The following EXOC1 variants were observed in gnomAD, a reference collection of about 807,000 sequenced individuals.
EXOC1 encodes exocyst complex component 1, also known as SEC3-like 1.
EXOC1 carries 67 observed loss-of-function variants against 107.7 expected under a neutral mutation model. The ratio of observed to expected loss-of-function variants is 0.62; its 90% CI spans 0.51 to 0.76. The LOEUF (loss-of-function observed/expected upper bound fraction) is 0.76, where lower values mean the gene tolerates loss of function less well. EXOC1 is among the 30% of genes least tolerant of loss of function. The pLI is 0.00. For missense variants in EXOC1, 833 were observed against 1,055.7 expected (o/e 0.79, Z 2.92); for synonymous variants, 348 against 353.5 (o/e 0.98, Z 0.17).
In EXOC1 at chr4:55,893,714, T is replaced by G. The variant is rs144527512; in HGVS notation, c.1887T>G (p.Ala629=). 1.3e-5 allele frequency: 21 copies of G among 1,614,182 alleles called. No individual in the cohort carries two copies. In the African/African-American group the frequency reaches 2.5e-4, roughly 19 times the overall value. The change falls in exon 15 of 19, where the codon GCT becomes GCG. Residue 629 remains alanine, a synonymous_variant. Transcript: ENST00000381295. The part of the protein sequence containing the change: ...HVWTAQNVDP[A]SFLSTTLGNV... ...GGACTGCACAAAATGTGGACCCTGC[T>G]TCTTTCCTAAGTACTACATTGGGAA...
At chr4:55,895,718 G>A (rs911470310) in intron 15 of EXOC1, among the ~76,000 whole-genome samples, 51 of 152,134 alleles carry the variant, frequency 3.4e-4, no homozygotes, top group East Asian at 1.9e-4. Context: ...AATTGAATCC[G>A]TGGATCGTTT....
intron 1 of EXOC1, among the ~76,000 whole-genome samples, chr4:55,854,540 C>G (rs764427772): frequency 7.9e-5 from 12 of 152,290 alleles, no homozygotes; most frequent in Non-Finnish European, 1.6e-4. Context: ...GATGTAAATG[C>G]CATAGAAACA....
intron 8 of EXOC1, chr4:55,875,676 C>A (rs561803557): frequency 2.0e-6 from 2 of 984,926 alleles, no homozygotes; most frequent in Non-Finnish European, 2.4e-6. Flanking sequence ...TTTTGGATAA[C>A]GATACATTGT....
intron 3 of EXOC1, among the ~76,000 whole-genome samples, chr4:55,860,958 CAA>C (rs749255857): frequency 8.4e-4 from 61 of 72,710 alleles, no homozygotes; most frequent in Non-Finnish European, 9.8e-4. Flanking sequence ...GTTTGTGGAT[CAA>C]AAAAAAAAAA....
chr4:55,879,954 A>T (rs1169618944), intron 9 of EXOC1, among the ~76,000 whole-genome samples: 1 of 152,136 alleles, frequency 6.6e-6, no homozygotes, highest in Non-Finnish European at 1.5e-5. Flanking sequence ...GGAAATAATG[A>T]TATGTTTTGT....
Position 55,864,278 on chromosome 4 carries a change from A to G in EXOC1, c.307A>G (p.Ser103Gly). Residue 103 changes from serine (S) to glycine (G), a missense_variant, in exon 4 of 19, where the codon AGC (serine) becomes GGC (glycine). By Grantham distance (56) the Ser-to-Gly change is moderately conservative. Transcript: ENST00000381295. ...TGAAAAAATATATAAATGGGTTGCC[A>G]GCAGCACTGCTGAAAAGAATGCATT... The part of the protein sequence containing the change: ...HFEKIYKWVA[S>G]STAEKNAFIS... 6.2e-7 allele frequency: 1 copy of G among 1,607,210 alleles called. No individual in the cohort carries two copies. The highest frequency in any genetic ancestry group is 8.5e-7 in the Non-Finnish European group (1 of 1,176,494).
intron 11 of EXOC1, among the ~76,000 whole-genome samples, chr4:55,889,148 C>T (rs187548461): frequency 6.6e-6 from 1 of 152,220 alleles, no homozygotes; most frequent in East Asian, 1.9e-4. Flanking sequence ...AACATTGTGT[C>T]AGAAATTTGT....
chr4:55,878,693 C>T (rs984704101), intron 9 of EXOC1, among the ~76,000 whole-genome samples: 6 of 152,006 alleles, frequency 3.9e-5, no homozygotes, highest in Non-Finnish European at 8.8e-5. Flanking sequence ...ATTAAATAAA[C>T]CAGAAATAAG....
chr4:55,883,778 A>T, intron 9 of EXOC1, 45 bp from the exon 10 acceptor site: 1 of 1,219,072 alleles, frequency 8.2e-7, no homozygotes, highest in Non-Finnish European at 1.1e-6. Flanking sequence ...TGAAATTGTT[A>T]TATGTGTTTT....
rs757689826 is a variant in EXOC1 at position 55,904,397 on chromosome 4, G to T, written c.2587G>T (p.Gly863Cys). 1.2e-6 allele frequency: 2 copies of T among 1,612,230 alleles called. No individual in the cohort carries two copies. The highest frequency in any genetic ancestry group is 1.7e-6 in the Non-Finnish European group (2 of 1,179,622). ...TATACGCCAGTATAAGCACTTTGAA[G>T]GTTTGATAGCTCGCTGTTATCCTGG... is the stretch of plus-strand genomic sequence containing the variant. Reference protein sequence around the residue: ...EFIRQYKHFEGLIARCYPGSG... With the variant: ...EFIRQYKHFECLIARCYPGSG... Residue 863 changes from glycine to cysteine, a missense_variant, in exon 19 of 19, where the codon GGT becomes TGT. Coordinates refer to ENST00000381295, the MANE Select transcript of EXOC1 (RefSeq NM_001024924.2).
Position 55,893,601 on chromosome 4 carries a change from C to G in EXOC1, c.1774C>G (p.Pro592Ala). ...MMIKIFRCIE[P>A]ELNNLIALGD... is the part of the protein sequence containing the mutation. ...GATTAAAATATTTCGCTGCATTGAG[C>G]CAGAGCTGAACAACCTAATTGCATT... The change falls in exon 15 of 19, where the codon CCA (proline) becomes GCA (alanine). Residue 592 changes from proline to alanine, a missense_variant. Physicochemically the swap from Pro to Ala is conservative, Grantham distance 27. Transcript: ENST00000381295. 1 of 1,613,882 alleles carries G rather than the reference C, an allele frequency of 6.2e-7. No homozygotes were observed.
intron 1 of EXOC1, among the ~76,000 whole-genome samples, chr4:55,854,925 C>T (rs576614339): frequency 6.6e-6 from 1 of 152,086 alleles, no homozygotes; most frequent in East Asian, 1.9e-4. Flanking sequence ...TTTAATGAGC[C>T]CATTAGACGG....
chr4:55,902,554 T>C lies in EXOC1; in HGVS notation c.2532+16T>C. 6.9e-7 allele frequency: 1 copy of C among 1,454,442 alleles called. No homozygotes were observed. Among genetic ancestry groups the C allele is most frequent in the Non-Finnish European group, 9.0e-7 (1 of 1,105,172 alleles). 90.1% of individuals were successfully genotyped at this position (1,454,442 alleles called of 1,614,324 possible). A position where few individuals can be genotyped will look rare whatever the true frequency, so the allele number is the denominator to read the frequency against. On this transcript the variant is annotated intron_variant, in intron 18 of 18. Coordinates refer to ENST00000381295, the MANE Select transcript of EXOC1 (RefSeq NM_001024924.2). ...CTTACTTCAGGTATGCTTACTTCTT[T>C]TGACCATCTGACTTAAAGATCCTTA... is the stretch of plus-strand genomic sequence containing the variant.
chr4:55,877,811 T>C (rs1307026724), intron 8 of EXOC1, 106 bp from the exon 9 acceptor site: 8 of 1,505,846 alleles, frequency 5.3e-6, no homozygotes, highest in Non-Finnish European at 7.1e-6. Flanking sequence ...TTTTTCTATG[T>C]CTTATTGGTT....
At chr4:55,872,708 G>C in intron 8 of EXOC1, 1 of 694,590 alleles carries the variant, frequency 1.4e-6, no homozygotes, top group Non-Finnish European at 1.8e-6. Flanking sequence ...TTTTCACTTT[G>C]CAATATTCTA....
chr4:55,865,510 C>CA (rs1291831165), intron 4 of EXOC1, among the ~76,000 whole-genome samples: 3 of 152,122 alleles, frequency 2.0e-5, no homozygotes, highest in African/African-American at 4.8e-5. Context: ...GAGGGAATGA[C>CA]CTTCAAGAAA....
Position 55,853,910 on chromosome 4 carries a change from G to A in EXOC1, c.-54G>A, listed in dbSNP as rs1720705841. 1 of 152,538 alleles carries A rather than the reference G, an allele frequency of 6.6e-6. No homozygotes were observed. The highest frequency in any genetic ancestry group is 2.1e-4 in the South Asian group (1 of 4,842). The allele number at this position is 152,538 out of a possible 1,614,324, so 9.4% of individuals were successfully genotyped here. On this transcript the variant is annotated 5_prime_UTR_variant, in exon 1 of 19. Transcript: ENST00000381295. ...TCCGGCTGCTGTCTCCACGCCTGGG[G>A]TCGGGCACCGCTCCTTCTGACCTTC...
At chr4:55,883,680 T>C (rs1723613415) in intron 9 of EXOC1, 143 bp from the exon 10 acceptor site, 2 of 496,738 alleles carry the variant, frequency 4.0e-6, no homozygotes, top group Non-Finnish European at 7.1e-6. Flanking sequence ...AGACAGAAAG[T>C]AACCTATTTT....
intron 18 of EXOC1, among the ~76,000 whole-genome samples, chr4:55,903,026 C>T (rs1038784660): frequency 6.6e-6 from 1 of 151,638 alleles, no homozygotes; most frequent in Non-Finnish European, 1.5e-5. Context: ...TGCCTGTAGT[C>T]CCAGCTACTC....
Sources: allele counts gnomAD v4.1 joint callset (sites outside exome capture counted in the v4.1 genomes callset), GRCh38; gene constraint gnomAD v4.1.1; transcripts MANE v1.5; gene names NCBI Gene and HGNC (gene_info 2026-07-23, HGNC 2026-07-21).